AFG2A: variants seen among roughly 807,000 people sequenced by gnomAD.
The protein encoded by AFG2A is ATPase family gene 2 protein homolog A.
chr4:123,258,948 C>A, the AFG2A span, among the ~76,000 whole-genome samples: 5,223 of 149,064 alleles, frequency 0.035, 318 homozygotes, highest in African/African-American at 0.12. Context: ...CTCACTGCAA[C>A]CTCCGCCTCC....
At chr4:123,274,985 C>T in the AFG2A span, among the ~76,000 whole-genome samples, 2 of 152,108 alleles carry the variant, frequency 1.3e-5, no homozygotes, top group Non-Finnish European at 2.9e-5. Context: ...CATATATTCA[C>T]CTTCACATCC....
the AFG2A span, among the ~76,000 whole-genome samples, chr4:123,168,130 A>G: frequency 6.6e-6 from 1 of 152,210 alleles, no homozygotes; most frequent in Non-Finnish European, 1.5e-5. Context: ...TATCAGATCA[A>G]GAGTGAGCCA....
the AFG2A span, among the ~76,000 whole-genome samples, chr4:123,264,619 G>A: frequency 3.9e-5 from 6 of 152,138 alleles, no homozygotes; most frequent in African/African-American, 9.7e-5. Flanking sequence ...GCTAAAAGTA[G>A]ATATTTAGGA....
chr4:123,216,621 G>A, the AFG2A span, among the ~76,000 whole-genome samples: 42 of 149,096 alleles, frequency 2.8e-4, no homozygotes, highest in Middle Eastern at 3.5e-3. Context: ...CTGGAAAATT[G>A]TTCCCCAAAC....
the AFG2A span, among the ~76,000 whole-genome samples, chr4:122,928,787 A>T: frequency 6.6e-6 from 1 of 152,064 alleles, no homozygotes; most frequent in Non-Finnish European, 1.5e-5. Context: ...TCACTGTGGG[A>T]TCATTCTTGA....
At chr4:123,283,474 AAGAACAG>A in the AFG2A span, among the ~76,000 whole-genome samples, 1 of 152,176 alleles carries the variant, frequency 6.6e-6, no homozygotes, top group Admixed American at 6.5e-5. Context: ...AATGCAAAAA[AAGAACAG>A]CAGTTTTCTT....
At chr4:123,100,908 TTA>T in the AFG2A span, among the ~76,000 whole-genome samples, 1 of 151,972 alleles carries the variant, frequency 6.6e-6, no homozygotes, top group African/African-American at 2.4e-5. Flanking sequence ...ATTCTTTTCT[TTA>T]AGTCCAAGTG....
chr4:123,151,699 A>C, the AFG2A span, among the ~76,000 whole-genome samples: 1 of 152,202 alleles, frequency 6.6e-6, no homozygotes, highest in Non-Finnish European at 1.5e-5. Context: ...AATTAGTTCA[A>C]CCATTGTGGA....
chr4:123,028,944 T>G, the AFG2A span, among the ~76,000 whole-genome samples: 1 of 152,256 alleles, frequency 6.6e-6, no homozygotes, highest in African/African-American at 2.4e-5. Flanking sequence ...AGTTGTACAC[T>G]TACTTTAGGA....
the AFG2A span, among the ~76,000 whole-genome samples, chr4:123,216,570 A>G: frequency 6.6e-6 from 1 of 152,208 alleles, no homozygotes; most frequent in Non-Finnish European, 1.5e-5. Flanking sequence ...AAAACTATAA[A>G]TAACACAACA....
At chr4:123,233,266 T>TAC in the AFG2A span, among the ~76,000 whole-genome samples, 44 of 149,786 alleles carry the variant, frequency 2.9e-4, no homozygotes, top group South Asian at 4.0e-3. Context: ...AAAAATTATG[T>TAC]ACACACACAC....
At chr4:123,223,170 T>C in the AFG2A span, among the ~76,000 whole-genome samples, 4 of 152,174 alleles carry the variant, frequency 2.6e-5, no homozygotes, top group Admixed American at 2.6e-4. Flanking sequence ...GTGCAAGGAT[T>C]CCAGTTTTTC....
At chr4:123,071,037 A>G in the AFG2A span, among the ~76,000 whole-genome samples, 1 of 152,218 alleles carries the variant, frequency 6.6e-6, no homozygotes, top group African/African-American at 2.4e-5. Context: ...GTCAGAAAGT[A>G]AGTTTGAACT....
At chr4:122,941,034 G>A in the AFG2A span, among the ~76,000 whole-genome samples, 135,834 of 149,682 alleles carry the variant, frequency 0.91, 61,875 homozygotes, top group East Asian at 0.96. Context: ...TGGTTACTGT[G>A]GCCTTGTAGT....
the AFG2A span, among the ~76,000 whole-genome samples, chr4:123,117,613 A>C: frequency 6.6e-6 from 1 of 151,656 alleles, no homozygotes; most frequent in South Asian, 2.1e-4. Context: ...AGTTGATTTT[A>C]TTTTTTAAAT....
chr4:123,063,698 A>T, the AFG2A span, among the ~76,000 whole-genome samples: 1 of 151,946 alleles, frequency 6.6e-6, no homozygotes, highest in Non-Finnish European at 1.5e-5. Context: ...GTGAGCTGAG[A>T]TCGCGCCACT....
the AFG2A span, among the ~76,000 whole-genome samples, chr4:123,167,993 C>G: frequency 6.6e-6 from 1 of 152,154 alleles, no homozygotes; most frequent in Non-Finnish European, 1.5e-5. Context: ...AATAACACAC[C>G]TATGCACACC....
chr4:123,009,832 A>T, the AFG2A span, among the ~76,000 whole-genome samples: 1 of 152,202 alleles, frequency 6.6e-6, no homozygotes, highest in South Asian at 2.1e-4. Flanking sequence ...ACCTTTAATT[A>T]TCTAATTTAA....
the AFG2A span, among the ~76,000 whole-genome samples, chr4:123,243,809 G>A: frequency 4.4e-4 from 10 of 22,744 alleles, no homozygotes; most frequent in Admixed American, 4.1e-3. Context: ...ACTTGAGTCC[G>A]GAGTTTAGAC....
Sources: allele counts gnomAD v4.1 joint callset (sites outside exome capture counted in the v4.1 genomes callset), GRCh38; gene constraint gnomAD v4.1.1; transcripts MANE v1.5; gene names NCBI Gene and HGNC (gene_info 2026-07-23, HGNC 2026-07-21).